GNB4: variants seen among roughly 807,000 people sequenced by gnomAD.
GNB4 encodes guanine nucleotide-binding protein subunit beta-4.
Under a neutral mutation model 45.2 loss-of-function variants are expected in GNB4, and 28 were observed. The observed-to-expected ratio is 0.62, with a 90% CI of 0.46 to 0.85. The LOEUF is 0.85. Ranked by LOEUF, GNB4 falls within the 40% of genes least tolerant of loss-of-function variation. The pLI is 0.00. For missense variants in GNB4, 321 were observed against 425.4 expected (o/e 0.75, Z 2.16); for synonymous variants, 132 against 143.7 (o/e 0.92, Z 0.58).
intron 3 of GNB4, 30 bp from the exon 4 acceptor site, chr3:179,419,535 T>TAC (rs1714914855): frequency 7.7e-7 from 1 of 1,302,852 alleles, no homozygotes; most frequent in Non-Finnish European, 1.1e-6. Flanking sequence ...TGTTATTCTT[T>TAC]ACCTTAATCA....
the GNB4 span, among the ~76,000 whole-genome samples, chr3:179,522,310 CCCCTTTTGACTGTAATTTTCCTTCA>C: frequency 6.6e-6 from 1 of 152,120 alleles, no homozygotes; most frequent in Non-Finnish European, 1.5e-5. Flanking sequence ...AGAGAACAAC[CCCCTTTTGACTGTAATTTTCCTTCA>C]CCTACCCAAA....
At chr3:179,458,332 C>G in the GNB4 span, among the ~76,000 whole-genome samples, 2 of 152,152 alleles carry the variant, frequency 1.3e-5, no homozygotes, top group Admixed American at 1.3e-4. Flanking sequence ...GTGAGAGAAA[C>G]CAGCTTCTGC....
At chr3:179,498,755 T>TG in the GNB4 span, among the ~76,000 whole-genome samples, 1 of 145,560 alleles carries the variant, frequency 6.9e-6, no homozygotes. Context: ...TTTGGTTTTT[T>TG]TTTTTTTTTT....
At chr3:179,465,823 CTTT>C in the GNB4 span, among the ~76,000 whole-genome samples, 4 of 26,922 alleles carry the variant, frequency 1.5e-4, no homozygotes, top group African/African-American at 4.9e-4. Flanking sequence ...TCTTCTTCTT[CTTT>C]TTTTTTTTTT....
At chr3:179,462,681 A>G in the GNB4 span, among the ~76,000 whole-genome samples, 1 of 152,150 alleles carries the variant, frequency 6.6e-6, no homozygotes, top group South Asian at 2.1e-4. Flanking sequence ...TCTACTAAAA[A>G]TACAAAATTA....
At chr3:179,406,260 A>G (rs1714467696) in intron 8 of GNB4, among the ~76,000 whole-genome samples, 1 of 152,202 alleles carries the variant, frequency 6.6e-6, no homozygotes, top group Non-Finnish European at 1.5e-5. Context: ...TCTTGCATAC[A>G]ACATTATAGT....
intron 8 of GNB4, 119 bp from the exon 9 acceptor site, chr3:179,405,525 G>A: frequency 1.6e-6 from 1 of 640,970 alleles, no homozygotes. Flanking sequence ...GGTGAGCGAT[G>A]TTGGGCACTA....
chr3:179,474,949 G>A, the GNB4 span, among the ~76,000 whole-genome samples: 2 of 151,376 alleles, frequency 1.3e-5, no homozygotes, highest in African/African-American at 4.9e-5. Flanking sequence ...AAAAAAAATC[G>A]ATTCCTTATC....
chr3:179,406,116 T>C lies in GNB4; in HGVS notation c.700-710A>G, dbSNP rs191496274. Reference sequence around the variant, plus strand: ...TTAAGATAAAACTTCTCTCATCTTATAGTTTTTGCTCCAATTCTACTTCGG... The same window carrying C: ...TTAAGATAAAACTTCTCTCATCTTACAGTTTTTGCTCCAATTCTACTTCGG... On this transcript the variant is annotated intron_variant, in intron 8 of 9. Coordinates refer to ENST00000232564, the MANE Select transcript of GNB4 (RefSeq NM_021629.4). Among the ~76,000 whole-genome samples, 85 of 152,304 alleles carry C rather than the reference T, an allele frequency of 5.6e-4. 3 individuals carry two copies. In the East Asian group the frequency reaches 6.6e-3, roughly 12 times the overall value.
intron 2 of GNB4, among the ~76,000 whole-genome samples, chr3:179,423,543 G>A (rs1405029384): frequency 6.6e-6 from 1 of 152,160 alleles, no homozygotes; most frequent in East Asian, 1.9e-4. Flanking sequence ...CAGCACTTTG[G>A]GAGGCCGAGG....
chr3:179,522,065 T>C, the GNB4 span, among the ~76,000 whole-genome samples: 1 of 152,148 alleles, frequency 6.6e-6, no homozygotes, highest in Non-Finnish European at 1.5e-5. Context: ...TTCTTATTAA[T>C]ATAAGAAGAC....
At chr3:179,473,034 A>G in the GNB4 span, among the ~76,000 whole-genome samples, 1 of 152,168 alleles carries the variant, frequency 6.6e-6, no homozygotes, top group Non-Finnish European at 1.5e-5. Context: ...ATGGTGGCAC[A>G]CGCCTGTAGT....
the GNB4 span, among the ~76,000 whole-genome samples, chr3:179,492,527 C>T: frequency 6.6e-6 from 1 of 152,256 alleles, no homozygotes; most frequent in East Asian, 1.9e-4. Flanking sequence ...CACTGTGTCA[C>T]ATACCCTGGA....
the GNB4 span, among the ~76,000 whole-genome samples, chr3:179,516,959 G>A: frequency 2.0e-5 from 3 of 152,206 alleles, no homozygotes; most frequent in African/African-American, 7.2e-5. Context: ...GAAGTAAAGC[G>A]GCCTTGAGAA....
chr3:179,518,093 C>T, the GNB4 span, among the ~76,000 whole-genome samples: 5 of 152,108 alleles, frequency 3.3e-5, no homozygotes, highest in East Asian at 9.7e-4. Context: ...TATGGGCAAC[C>T]TTCCACCCTC....
At chr3:179,473,488 T>A in the GNB4 span, among the ~76,000 whole-genome samples, 1 of 151,944 alleles carries the variant, frequency 6.6e-6, no homozygotes, top group Non-Finnish European at 1.5e-5. Context: ...CAGGCTGGAG[T>A]GCAGTTTCAT....
the GNB4 span, among the ~76,000 whole-genome samples, chr3:179,498,754 T>G: frequency 6.1e-3 from 852 of 139,388 alleles, 17 homozygotes; most frequent in African/African-American, 0.023. Context: ...GTTTGGTTTT[T>G]TTTTTTTTTT....
the GNB4 span, among the ~76,000 whole-genome samples, chr3:179,483,281 A>G: frequency 6.6e-6 from 1 of 152,132 alleles, no homozygotes. Context: ...TAGAAATAGG[A>G]ATTTAAAACC....
chr3:179,489,075 A>C, the GNB4 span, among the ~76,000 whole-genome samples: 2 of 127,066 alleles, frequency 1.6e-5, no homozygotes, highest in Admixed American at 9.3e-5. Context: ...AACTACCTCT[A>C]TTTTAATTTG....
Sources: gnomAD v4.1 joint callset for allele counts (sites outside exome capture counted in the v4.1 genomes callset) on GRCh38, gnomAD v4.1.1 for gene constraint, MANE v1.5 for transcripts, NCBI Gene and HGNC (gene_info 2026-07-23, HGNC 2026-07-21) for gene names.